The following RAB35 variants were observed in gnomAD, a reference collection of about 807,000 sequenced individuals.
RAB35 encodes the protein ras-related protein Rab-35.
Under a neutral mutation model 28.9 loss-of-function variants are expected in RAB35, and 4 were observed. The observed-to-expected ratio is 0.14, with a 90% confidence interval of 0.07 to 0.32. RAB35 has a LOEUF of 0.32. Among genes scored for constraint, RAB35 ranks in the 10% least tolerant of loss-of-function variants. The pLI is 1.00. For missense variants in RAB35, 128 were observed against 274.0 expected, an observed-to-expected ratio of 0.47 and a Z score of 3.76; for synonymous variants, 99 against 105.1, an observed-to-expected ratio of 0.94 and a Z score of 0.35.
chr12:120,097,094 G>A lies in RAB35; in HGVS notation c.*151C>T, dbSNP rs1216128049. 7.0e-6 allele frequency: 11 copies of A among 1,575,888 alleles called. No individual in the cohort carries two copies. The highest frequency in any genetic ancestry group is 1.3e-5 in the African/African-American group (1 of 74,342). The stretch of plus-strand genomic sequence containing the variant: ...TTCTTGGCACTCGAGGAGGGCGGGG[G>A]AGGAAGTGCCGATGGCACCTCCCGA... On this transcript the variant is annotated 3_prime_UTR_variant, in exon 6 of 6. Transcript: ENST00000229340.
intron 1 of RAB35, among the ~76,000 whole-genome samples, chr12:120,114,854 C>T (rs955315101): frequency 2.0e-5 from 3 of 152,202 alleles, no homozygotes; most frequent in Non-Finnish European, 4.4e-5. Flanking sequence ...TGGATATCAA[C>T]GCAGAGGTCC....
At chr12:120,108,556 C>A in intron 1 of RAB35, 89 bp from the exon 2 acceptor site, 3 of 1,283,326 alleles carry the variant, frequency 2.3e-6, no homozygotes, top group African/African-American at 1.5e-5. Flanking sequence ...ATGCCTCAGT[C>A]CCAACTCTTA....
rs775549758 is a variant in RAB35, at chr12:120,097,352, G to T, written c.499C>A (p.Leu167Met). Residue 167 changes from leucine (L) to methionine (M), a missense_variant, in exon 6 of 6, where the codon CTG (leucine) becomes ATG (methionine). Physicochemically the swap from Leu to Met is conservative, Grantham distance 15. Coordinates refer to ENST00000229340, the MANE Select transcript of RAB35 (RefSeq NM_006861.7). ...TTGTCTTTCTTTGCTCGGAGGACCA[G>T]CTCCGTGATGCAGTTGAACATCTGT... ...VEEMFNCITE[L>M]VLRAKKDNLA... The T allele has an allele frequency of 1.9e-6, 3 of 1,612,810 alleles. No homozygotes were observed. Among genetic ancestry groups the T allele is most frequent in the Non-Finnish European group, 2.5e-6 (3 of 1,179,798 alleles).
intron 3 of RAB35, 172 bp from the exon 4 acceptor site, chr12:120,099,326 G>A (rs1006167639): frequency 9.5e-6 from 8 of 843,478 alleles, no homozygotes; most frequent in Non-Finnish European, 1.3e-5. Context: ...GCCAGCAGGA[G>A]AGGCTACTGC....
chr12:120,111,999 T>TA lies in RAB35; in HGVS notation c.53-3533dup, dbSNP rs1383568817. ...CCTGTCATTCTTTTTTTTTTTTTTTTAAATGGAGTCTCACTCTGTCGCCCA... is the reference window on the plus strand; with the variant it reads ...CCTGTCATTCTTTTTTTTTTTTTTTTAAAATGGAGTCTCACTCTGTCGCCCA... On this transcript the variant is annotated intron_variant, in intron 1 of 5. Coordinates refer to ENST00000229340, the MANE Select transcript of RAB35 (RefSeq NM_006861.7). Among the ~76,000 whole-genome samples, 390 of 150,602 alleles carry TA rather than the reference T, an allele frequency of 2.6e-3. 2 individuals are homozygous for TA. Among genetic ancestry groups the TA allele is most frequent in the African/African-American group, 9.3e-3 (383 of 41,084 alleles).
chr12:120,105,543 G>C (rs1328220470), intron 2 of RAB35, among the ~76,000 whole-genome samples: 2 of 152,200 alleles, frequency 1.3e-5, no homozygotes, highest in Non-Finnish European at 2.9e-5. Context: ...ACAGCAGGGG[G>C]AGGGAAGTGT....
rs781085451 is a variant in RAB35 at position 120,097,143 on chromosome 12, TTAAA to T, written c.*98_*101del. 2 of 1,609,262 alleles carry T rather than the reference TTAAA, an allele frequency of 1.2e-6. No homozygotes were observed. Among genetic ancestry groups the T allele is most frequent in the Non-Finnish European group, 1.7e-6 (2 of 1,178,724 alleles). ...GATACAAAAACATGGAGAGAATTCT[TTAAA>T]TAACGGCACGAAACTGAGACTGTCC... On this transcript the variant is annotated 3_prime_UTR_variant, in exon 6 of 6. Coordinates refer to ENST00000229340, the MANE Select transcript of RAB35 (RefSeq NM_006861.7).
intron 2 of RAB35, among the ~76,000 whole-genome samples, chr12:120,107,048 G>T (rs1056058000): frequency 6.6e-6 from 1 of 151,910 alleles, no homozygotes; most frequent in African/African-American, 2.4e-5. Context: ...GAGTGCAGTG[G>T]TGCCATCTCA....
At chr12:120,106,988 A>AT (rs953196208) in intron 2 of RAB35, among the ~76,000 whole-genome samples, 5 of 150,394 alleles carry the variant, frequency 3.3e-5, no homozygotes, top group East Asian at 4.0e-4. Flanking sequence ...AATGAACCTG[A>AT]TTTTTTTTGT....
Position 120,116,749 on chromosome 12 carries a change from C to A in RAB35, c.-99G>T. The A allele has an allele frequency of 8.4e-7, 1 of 1,187,776 alleles. No homozygotes were observed. The highest frequency in any genetic ancestry group is 1.0e-6 in the Non-Finnish European group (1 of 957,894). 73.6% of individuals were successfully genotyped at this position (1,187,776 alleles called of 1,614,324 possible). On this transcript the variant is annotated 5_prime_UTR_variant, in exon 1 of 6. Coordinates refer to ENST00000229340, the MANE Select transcript of RAB35 (RefSeq NM_006861.7). Reference sequence around the variant, plus strand: ...CTCCGGCAGCGGCGGATCCACTTCCCGAACAAACAGCCGGAACTGACAGAA... The same window carrying A: ...CTCCGGCAGCGGCGGATCCACTTCCAGAACAAACAGCCGGAACTGACAGAA...
chr12:120,100,847 T>C (rs2239200), intron 3 of RAB35, among the ~76,000 whole-genome samples: 19,645 of 152,190 alleles, frequency 0.13, 1,591 homozygotes, highest in East Asian at 0.4. Context: ...GCACATGGCA[T>C]GGTGTGTCAG....
intron 1 of RAB35, among the ~76,000 whole-genome samples, chr12:120,115,091 A>C (rs1876276590): frequency 6.6e-6 from 1 of 151,886 alleles, no homozygotes; most frequent in African/African-American, 2.4e-5. Context: ...TCAGTACTCC[A>C]CCTTTCTACC....
At chr12:120,116,537 C>T (rs1272653048) in intron 1 of RAB35, 62 bp downstream of exon 1, 338 of 980,932 alleles carry the variant, frequency 3.4e-4, no homozygotes, top group Non-Finnish European at 3.9e-4. Flanking sequence ...CCTGCCGCCC[C>T]GAGGCCCCCG....
chr12:120,105,418 T>C (rs987529791), intron 2 of RAB35, among the ~76,000 whole-genome samples: 23 of 151,560 alleles, frequency 1.5e-4, no homozygotes, highest in African/African-American at 5.3e-4. Context: ...GACCAGGGGG[T>C]AGGAGGAAGC....
rs2139048031 is a variant in RAB35 at position 120,098,850 on chromosome 12, C to A, written c.438G>T (p.Leu146Phe). The A allele has an allele frequency of 6.2e-7, 1 of 1,614,246 alleles. No homozygotes were observed. The highest frequency in any genetic ancestry group is 8.5e-7 in the Non-Finnish European group (1 of 1,180,046). Reference protein sequence around the residue: ...YKFAGQMGIQLFETSAKENVN... With the variant: ...YKFAGQMGIQFFETSAKENVN... ...CATTCTCCTTGGCGCTGGTCTCGAA[C>A]AACTGGATGCCCATCTGCCCGGCGA... Residue 146 changes from leucine to phenylalanine, a missense_variant, in exon 5 of 6, where the codon TTG becomes TTT. By Grantham distance (22) the Leu-to-Phe change is conservative. Transcript: ENST00000229340.
In RAB35 at chr12:120,096,866, C is replaced by T. The variant is rs1285183020; in HGVS notation, c.*379G>A. 6 of 1,302,192 alleles carry T rather than the reference C, an allele frequency of 4.6e-6. No homozygotes were observed. In the Admixed American group the frequency reaches 6.8e-5, roughly 15 times the overall value. The allele number at this position is 1,302,192 out of a possible 1,614,324, so 80.7% of individuals were successfully genotyped here. ...TGCAGTAAGATGGGCTGGGGAGGGG[C>T]GCGGGGAGGGTCTGTTGCAGCAGGC... On this transcript the variant is annotated 3_prime_UTR_variant, in exon 6 of 6. Coordinates refer to ENST00000229340, the MANE Select transcript of RAB35 (RefSeq NM_006861.7).
chr12:120,107,987 G>GT (rs1263541815), intron 2 of RAB35, among the ~76,000 whole-genome samples: 1 of 151,990 alleles, frequency 6.6e-6, no homozygotes, highest in African/African-American at 2.4e-5. Flanking sequence ...GCACCATGTG[G>GT]TGCCTTCAAG....
Position 120,116,717 on chromosome 12 carries a change from C to T in RAB35, c.-67G>A, listed in dbSNP as rs1876357930. 2 of 1,212,110 alleles carry T rather than the reference C, an allele frequency of 1.7e-6. No homozygotes were observed. Among genetic ancestry groups the T allele is most frequent in the Non-Finnish European group, 2.1e-6 (2 of 974,740 alleles). The allele number at this position is 1,212,110 out of a possible 1,614,324, so 75.1% of individuals were successfully genotyped here. A position where few individuals can be genotyped will look rare whatever the true frequency, so the allele number is the denominator to read the frequency against. ...TGGCCTCGCGATCCGCAGCTCCCTT[C>T]GGGCTGCTCCGGCAGCGGCGGATCC... On this transcript the variant is annotated 5_prime_UTR_variant, in exon 1 of 6. Transcript: ENST00000229340.
intron 1 of RAB35, among the ~76,000 whole-genome samples, chr12:120,109,548 G>T (rs1876028313): frequency 6.6e-6 from 1 of 151,808 alleles, no homozygotes; most frequent in African/African-American, 2.4e-5. Context: ...AGGCTCAAGT[G>T]ATCCTCTGAC....
Sources: gnomAD v4.1 joint callset for allele counts (sites outside exome capture counted in the v4.1 genomes callset) on GRCh38, gnomAD v4.1.1 for gene constraint, MANE v1.5 for transcripts, NCBI Gene and HGNC (gene_info 2026-07-23, HGNC 2026-07-21) for gene names.